The following FTO variants were observed in gnomAD, a reference collection of about 807,000 sequenced individuals.
FTO encodes alpha-ketoglutarate-dependent dioxygenase FTO.
Under a neutral mutation model 63.9 loss-of-function variants are expected in FTO, and 47 were observed. The observed-to-expected ratio is 0.74, with a 90% CI of 0.58 to 0.94. The LOEUF (loss-of-function observed/expected upper bound fraction) is 0.94, where lower values mean the gene tolerates loss of function less well. FTO is among the 40% of genes least tolerant of loss of function. The pLI is 0.00. For missense variants in FTO, 562 were observed against 618.1 expected, an observed-to-expected ratio of 0.91 and a Z score of 0.96; for synonymous variants, 207 against 224.4, an observed-to-expected ratio of 0.92 and a Z score of 0.69.
intron 8 of FTO, among the ~76,000 whole-genome samples, chr16:54,027,995 G>GT (rs57645591): frequency 0.02 from 3,082 of 151,060 alleles, 45 homozygotes; most frequent in African/African-American, 0.044. Flanking sequence ...TGGAGTTTGT[G>GT]TTTTTTTTTG....
intron 8 of FTO, among the ~76,000 whole-genome samples, chr16:54,048,426 C>G (rs2085236205): frequency 6.6e-6 from 1 of 151,972 alleles, no homozygotes; most frequent in Non-Finnish European, 1.5e-5. Flanking sequence ...GTTTTGATAT[C>G]TTTTTAGTAA....
intron 1 of FTO, among the ~76,000 whole-genome samples, chr16:53,809,890 G>A (rs1484349091): frequency 1.3e-5 from 2 of 151,890 alleles, no homozygotes; most frequent in African/African-American, 4.8e-5. Flanking sequence ...ATAGTGAGTT[G>A]TGATCACACC....
chr16:53,761,122 G>A (rs2077058317), intron 1 of FTO, among the ~76,000 whole-genome samples: 2 of 148,334 alleles, frequency 1.3e-5, no homozygotes, highest in South Asian at 4.3e-4. Context: ...CTGGAGACAG[G>A]GTCTTGCTCT....
intron 7 of FTO, among the ~76,000 whole-genome samples, chr16:53,910,731 T>A (rs1261218125): frequency 6.6e-6 from 1 of 152,186 alleles, no homozygotes; most frequent in Non-Finnish European, 1.5e-5. Context: ...AGACGAGGTT[T>A]CGCCATGTTG....
At chr16:54,071,924 G>T (rs73621750) in intron 8 of FTO, 1 of 152,060 alleles carries the variant, frequency 6.6e-6, no homozygotes, top group Admixed American at 6.5e-5. Context: ...GGTTTTTATA[G>T]GGGGTGCCGC....
At chr16:53,994,327 C>T (rs1287930025) in intron 8 of FTO, 1 of 152,002 alleles carries the variant, frequency 6.6e-6, no homozygotes, top group Non-Finnish European at 1.5e-5. Context: ...ATTGTGTTCT[C>T]TCCATGGATT....
chr16:53,734,204 G>A (rs2076336247), intron 1 of FTO, among the ~76,000 whole-genome samples: 1 of 152,174 alleles, frequency 6.6e-6, no homozygotes, highest in Non-Finnish European at 1.5e-5. Context: ...TTTGGGAGTG[G>A]TCAAGAAGCT....
At position 53,892,876 on chromosome 16, in the gene FTO, A is replaced by G. The variant is rs976405975; in HGVS notation, c.1239+3925A>G. 2.6e-5 allele frequency among the ~76,000 whole-genome samples: 4 copies of G among 152,250 alleles called. No individual in the cohort carries two copies. In the East Asian group the frequency reaches 7.7e-4, roughly 29 times the overall value. On this transcript the variant is annotated intron_variant, in intron 7 of 8. Coordinates refer to ENST00000471389, the MANE Select transcript of FTO (RefSeq NM_001080432.3). ...ATAGAAGAATGGAAAATGAGCTTTG[A>G]AATCGCTTTTCTTCCATTAATGGTA... is the stretch of plus-strand genomic sequence containing the variant.
Position 53,880,001 on chromosome 16 carries a change from T to G in FTO, c.1119+14T>G. Reference sequence around the variant, plus strand: ...ATTCATAATGAGGTAAGGACTTTCTTTTTTTTTTTTTGAGATGGAGTCTCG... The same window carrying G: ...ATTCATAATGAGGTAAGGACTTTCTGTTTTTTTTTTTGAGATGGAGTCTCG... On this transcript the variant is annotated intron_variant, in intron 6 of 8. Coordinates refer to ENST00000471389, the MANE Select transcript of FTO (RefSeq NM_001080432.3). The G allele has an allele frequency of 7.2e-7, 1 of 1,384,702 alleles. No homozygotes were observed. 85.8% of individuals were successfully genotyped at this position (1,384,702 alleles called of 1,614,324 possible).
At chr16:53,731,137 T>G (rs2076261343) in intron 1 of FTO, among the ~76,000 whole-genome samples, 1 of 152,216 alleles carries the variant, frequency 6.6e-6, no homozygotes, top group Non-Finnish European at 1.5e-5. Context: ...TGTATGTGAA[T>G]TTGGGATCTA....
At chr16:54,061,864 A>T (rs1261035657) in intron 8 of FTO, 1 of 152,190 alleles carries the variant, frequency 6.6e-6, no homozygotes, top group African/African-American at 2.4e-5. Flanking sequence ...GTAGCATTAG[A>T]AGGTCACTTT....
chr16:53,836,102 G>C (rs1310137226), intron 3 of FTO, among the ~76,000 whole-genome samples: 2 of 152,062 alleles, frequency 1.3e-5, no homozygotes, highest in Non-Finnish European at 2.9e-5. Flanking sequence ...TATTGGCCAG[G>C]CTGGTCTCGA....
At chr16:53,901,860 C>T (rs576274899) in intron 7 of FTO, among the ~76,000 whole-genome samples, 8 of 152,232 alleles carry the variant, frequency 5.3e-5, no homozygotes, top group South Asian at 2.1e-4. Flanking sequence ...GTTCTTCAAA[C>T]GTGGGCTTCT....
intron 7 of FTO, among the ~76,000 whole-genome samples, chr16:53,922,472 A>C (rs1049398675): frequency 1.3e-5 from 2 of 152,002 alleles, no homozygotes; most frequent in Non-Finnish European, 2.9e-5. Flanking sequence ...TCCACAGACA[A>C]AAAAAAATGT....
rs775623288 is a variant in FTO, at chr16:54,111,953, C to A, written c.*38C>A. 2 of 1,612,122 alleles carry A rather than the reference C, an allele frequency of 1.2e-6. No individual in the cohort carries two copies. Among genetic ancestry groups the A allele is most frequent in the Admixed American group, 1.7e-5 (1 of 59,992 alleles). Reference sequence around the variant, plus strand: ...TCTCAGGCGGAGGAGAAAAAGAGATCGGCTTTTCTCCTCCAACGTTGTCAT... The same window carrying A: ...TCTCAGGCGGAGGAGAAAAAGAGATAGGCTTTTCTCCTCCAACGTTGTCAT... On this transcript the variant is annotated 3_prime_UTR_variant, in exon 9 of 9. Coordinates refer to ENST00000471389, the MANE Select transcript of FTO (RefSeq NM_001080432.3).
At chr16:53,757,012 G>A (rs1331690818) in intron 1 of FTO, among the ~76,000 whole-genome samples, 2 of 152,144 alleles carry the variant, frequency 1.3e-5, no homozygotes, top group African/African-American at 4.8e-5. Flanking sequence ...AGGAGTCACG[G>A]TGATGACTTT....
rs183984234 is a variant in FTO, at chr16:53,901,295, G to A, written c.1239+12344G>A. Among the ~76,000 whole-genome samples, 252 of 152,304 alleles carry A rather than the reference G, an allele frequency of 1.7e-3. 1 individual carries two copies. The highest frequency in any genetic ancestry group is 2.7e-3 in the East Asian group (14 of 5,180). On this transcript the variant is annotated intron_variant, in intron 7 of 8. Coordinates refer to ENST00000471389, the MANE Select transcript of FTO (RefSeq NM_001080432.3). ...TTTGGTCAGAAGCAGGTCTTCCCAT[G>A]TATGAACCACTTATGATTCTCTTCC...
At chr16:53,779,659 T>G (rs2077540861) in intron 1 of FTO, among the ~76,000 whole-genome samples, 1 of 152,210 alleles carries the variant, frequency 6.6e-6, no homozygotes, top group Non-Finnish European at 1.5e-5. Flanking sequence ...GTTACATGGA[T>G]ATATTGTGTA....
intron 8 of FTO, among the ~76,000 whole-genome samples, chr16:54,017,334 T>C (rs1457776836): frequency 2.0e-5 from 3 of 152,192 alleles, no homozygotes; most frequent in Admixed American, 6.5e-5. Context: ...GCAGTTAATC[T>C]ACAGAACATT....
Sources: allele counts gnomAD v4.1 joint callset (sites outside exome capture counted in the v4.1 genomes callset), GRCh38; gene constraint gnomAD v4.1.1; transcripts MANE v1.5; gene names NCBI Gene and HGNC (gene_info 2026-07-23, HGNC 2026-07-21).